Variants in KCTD1 observed in about 807,000 individuals in gnomAD.
KCTD1 encodes the protein potassium channel tetramerization domain containing 1.
A neutral mutation model predicts 66.0 loss-of-function variants in KCTD1; 24 were observed. That is an observed-to-expected ratio of 0.36 (90% CI 0.26 to 0.51). KCTD1 has a LOEUF of 0.51. KCTD1 is among the 20% of genes least tolerant of loss of function. The probability of loss-of-function intolerance (pLI) is 0.95; values close to 1 mark genes in which losing one functional copy is unlikely to be tolerated. For missense variants in KCTD1, 943 were observed against 1,205.2 expected (o/e 0.78, Z 3.22); for synonymous variants, 511 against 517.2 (o/e 0.99, Z 0.16).
intron 1 of KCTD1, among the ~76,000 whole-genome samples, chr18:26,507,946 A>T (rs17799897): frequency 1.3e-5 from 2 of 151,916 alleles, no homozygotes; most frequent in Non-Finnish European, 2.9e-5. Flanking sequence ...CACATGGAAG[A>T]TTCATTCACT....
chr18:26,529,079 C>T (rs1984310751), intron 1 of KCTD1, among the ~76,000 whole-genome samples: 1 of 152,156 alleles, frequency 6.6e-6, no homozygotes. Flanking sequence ...ACCATAAGCC[C>T]CTCAAGCCCA....
In KCTD1 at chr18:26,560,141, G is replaced by GA. The variant is rs199584163; in HGVS notation, c.-15-58892dup. Among the ~76,000 whole-genome samples, 246 of 103,728 alleles carry GA rather than the reference G, an allele frequency of 2.4e-3. 3 individuals are homozygous for GA. The highest frequency in any genetic ancestry group is 8.7e-3 in the East Asian group (39 of 4,482). 68.0% of individuals were successfully genotyped at this position (103,728 alleles called of 152,430 possible). A position where few individuals can be genotyped will look rare whatever the true frequency, so the allele number is the denominator to read the frequency against. On this transcript the variant is annotated intron_variant, in intron 1 of 4. Coordinates refer to the KCTD1 transcript ENST00000317932. ...AGCCGTTACCACCTTCCCCCCACCA[G>GA]AAAAAAAAAAAACAAAACAGATAAG...
upstream of KCTD1, chr18:26,549,515 C>T (rs1406031935): frequency 2.7e-5 from 25 of 939,794 alleles, no homozygotes; most frequent in African/African-American, 5.3e-5. Flanking sequence ...CGCTTGGGAC[C>T]CCAGGGGCCA....
rs572067629 is a variant in KCTD1 at position 26,475,473 on chromosome 18, C to T, written c.2133+1042G>A. ...TCTTAATCAGCCTTTGCTTGTTTCT[C>T]GTTAGGTTTATTCCTAGGTGTTATA... On this transcript the variant is annotated intron_variant, in intron 3 of 4. Transcript: ENST00000580059. Among the ~76,000 whole-genome samples, 10 of 152,234 alleles carry T rather than the reference C, an allele frequency of 6.6e-5. No homozygotes were observed. In the South Asian group the frequency reaches 1.5e-3, roughly 22 times the overall value.
chr18:26,600,210 G>A (rs1227852812), intron 1 of KCTD1: 2 of 1,600,526 alleles, frequency 1.2e-6, no homozygotes, highest in Non-Finnish European at 1.7e-6. Context: ...TGAGCTCCCA[G>A]CCCAAGTCGG....
rs61521451 is a variant in KCTD1 at position 26,601,326 on chromosome 18, TAAAAAAAAAA to T, written c.-16+27811_-16+27820del. 7.5e-5 allele frequency among the ~76,000 whole-genome samples: 7 copies of T among 93,266 alleles called. No homozygotes were observed. In the South Asian group the frequency reaches 2.8e-3, roughly 37 times the overall value. 61.2% of individuals were successfully genotyped at this position (93,266 alleles called of 152,430 possible). On this transcript the variant is annotated intron_variant, in intron 1 of 4. Transcript: ENST00000317932. ...GCCAGTAAATAAAAGTGTTCATTGG[TAAAAAAAAAA>T]AAAAAAAAAAAAAGAAAGAAATTCA...
intron 1 of KCTD1, among the ~76,000 whole-genome samples, chr18:26,588,215 C>G (rs1986512677): frequency 6.6e-6 from 1 of 151,754 alleles, no homozygotes; most frequent in Non-Finnish European, 1.5e-5. Flanking sequence ...AACCCATGAG[C>G]TCCAGGTTAC....
At chr18:26,549,677 C>T (rs1002727063), upstream of KCTD1, 9 of 978,058 alleles carry the variant, frequency 9.2e-6, no homozygotes, top group Non-Finnish European at 1.1e-5. Flanking sequence ...GTGTCTCGGC[C>T]GACCCTGCCG....
At chr18:26,538,117 C>T (rs1419414538) in intron 1 of KCTD1, among the ~76,000 whole-genome samples, 1 of 152,028 alleles carries the variant, frequency 6.6e-6, no homozygotes, top group African/African-American at 2.4e-5. Flanking sequence ...CATGGTGGCA[C>T]ATGTCTGTAA....
intron 1 of KCTD1, among the ~76,000 whole-genome samples, chr18:26,584,472 T>C (rs534147691): frequency 1.3e-5 from 2 of 152,384 alleles, no homozygotes; most frequent in Non-Finnish European, 2.9e-5. Context: ...AATCTACATA[T>C]GTAATTTGCA....
upstream of KCTD1, chr18:26,549,102 C>T: frequency 1.0e-6 from 1 of 984,802 alleles, no homozygotes; most frequent in Non-Finnish European, 1.2e-6. Flanking sequence ...CCGCCCGGAG[C>T]GGAGCGGAGC....
chr18:26,530,760 T>C (rs1352947970), intron 1 of KCTD1, among the ~76,000 whole-genome samples: 1 of 152,218 alleles, frequency 6.6e-6, no homozygotes, highest in African/African-American at 2.4e-5. Context: ...AGGCACACAG[T>C]AGGTATGTAA....
intron 1 of KCTD1, among the ~76,000 whole-genome samples, chr18:26,654,788 A>C (rs1988098565): frequency 6.6e-6 from 1 of 152,216 alleles, no homozygotes; most frequent in Non-Finnish European, 1.5e-5. Flanking sequence ...TTTCATGGTC[A>C]CCTTTGCAAC....
Position 26,579,265 on chromosome 18 carries a change from T to TCACACA in KCTD1, c.-16+49876_-16+49881dup, listed in dbSNP as rs74670208. Among the ~76,000 whole-genome samples, 747 of 150,824 alleles carry TCACACA rather than the reference T, an allele frequency of 5.0e-3. 4 individuals carry two copies. The highest frequency in any genetic ancestry group is 0.017 in the African/African-American group (696 of 41,186). The stretch of plus-strand genomic sequence containing the variant: ...ATACAGTGTGAGCTTTTTCTCACCC[T>TCACACA]CACACACACACACACACACAAAGCA... On this transcript the variant is annotated intron_variant, in intron 1 of 4. Transcript: ENST00000317932.
intron 2 of KCTD1, among the ~76,000 whole-genome samples, chr18:26,496,860 T>C (rs1279230346): frequency 3.9e-5 from 6 of 152,000 alleles, no homozygotes; most frequent in Non-Finnish European, 7.4e-5. Flanking sequence ...ATACATGAAA[T>C]AATCATTGAG....
upstream of KCTD1, among the ~76,000 whole-genome samples, chr18:26,631,520 GTA>G (rs1459222106): frequency 6.6e-6 from 1 of 152,166 alleles, no homozygotes; most frequent in East Asian, 1.9e-4. Context: ...GACCACTACT[GTA>G]TATGTGGTCT....
In KCTD1 at chr18:26,548,378, C is replaced by A. The variant is rs1202975783; in HGVS notation, c.159G>T (p.Ala53=). 3.9e-5 allele frequency: 57 copies of A among 1,476,900 alleles called. No individual in the cohort carries two copies. The highest frequency in any genetic ancestry group is 4.8e-5 in the Non-Finnish European group (53 of 1,114,732). 91.5% of individuals were successfully genotyped at this position (1,476,900 alleles called of 1,614,324 possible). A position where few individuals can be genotyped will look rare whatever the true frequency, so the allele number is the denominator to read the frequency against. The change falls in exon 1 of 5, where the codon GCG becomes GCT. Residue 53 remains alanine (A), a synonymous_variant. Transcript: ENST00000580059. The part of the protein sequence containing the change: ...RRHSRPHYCS[A]GEEEEEEEEE... Reference sequence around the variant, plus strand: ...CCTCCTCTTCCTCCTCCTCCTCGCCCGCGCTGCAGTAGTGCGGACGGCTGT... The same window carrying A: ...CCTCCTCTTCCTCCTCCTCCTCGCCAGCGCTGCAGTAGTGCGGACGGCTGT...
At chr18:26,629,212 TGAG>T (rs1478851822) in exon 1 of KCTD1, 1 of 985,248 alleles carries the variant, frequency 1.0e-6, no homozygotes, top group Non-Finnish European at 1.2e-6. Context: ...AGTGCAGGCT[TGAG>T]GAGAAAAAGC....
chr18:26,636,015 G>T (rs541060392), intron 1 of KCTD1, among the ~76,000 whole-genome samples: 1 of 152,276 alleles, frequency 6.6e-6, no homozygotes, highest in Admixed American at 6.5e-5. Flanking sequence ...TTGTTATGGG[G>T]TTGGGGCTTG....
Sources: gnomAD v4.1 joint callset for allele counts (sites outside exome capture counted in the v4.1 genomes callset) on GRCh38, gnomAD v4.1.1 for gene constraint, MANE v1.5 for transcripts, NCBI Gene and HGNC (gene_info 2026-07-23, HGNC 2026-07-21) for gene names.